Variants in RFPL1 observed in about 807,000 individuals in gnomAD.
RFPL1 encodes the protein ret finger protein like 1, also known as ret finger protein-like 1.
In RFPL1, 6 loss-of-function variants were observed where a neutral mutation model predicts 9.6. The ratio of observed to expected loss-of-function variants is 0.62; its 90% CI spans 0.34 to 1.23. RFPL1 has a LOEUF of 1.23. Ranked by LOEUF, RFPL1 falls within the 50% of genes most tolerant of loss-of-function variation. The probability of loss-of-function intolerance (pLI) is 0.03; values close to 1 mark genes in which losing one functional copy is unlikely to be tolerated. For missense variants in RFPL1, 352 were observed against 398.4 expected (o/e 0.88, Z 0.99); for synonymous variants, 145 against 149.4 (o/e 0.97, Z 0.22).
chr22:29,437,749 G>T, upstream of RFPL1: 5 of 1,575,454 alleles, frequency 3.2e-6, no homozygotes, highest in Non-Finnish European at 4.3e-6. Flanking sequence ...ATGCCTGTGT[G>T]TGTGTTTTTC....
the RFPL1 span, among the ~76,000 whole-genome samples, chr22:29,420,921 G>A: frequency 5.3e-5 from 8 of 151,990 alleles, no homozygotes; most frequent in African/African-American, 9.7e-5. Context: ...GATTACAGGC[G>A]TGATCCACCG....
upstream of RFPL1, chr22:29,437,953 A>ATTT (rs3044138): frequency 0.014 from 3,690 of 262,668 alleles, 6 homozygotes; most frequent in South Asian, 0.033. Context: ...GAAGGATGTG[A>ATTT]TTTTTTTTTT....
the RFPL1 span, among the ~76,000 whole-genome samples, chr22:29,415,094 G>A: frequency 2.0e-5 from 3 of 152,122 alleles, no homozygotes; most frequent in East Asian, 3.9e-4. Flanking sequence ...TGCTGATAAA[G>A]GCACGCTGTG....
chr22:29,398,027 C>T, the RFPL1 span, among the ~76,000 whole-genome samples: 7 of 152,176 alleles, frequency 4.6e-5, no homozygotes, highest in Admixed American at 2.6e-4. Flanking sequence ...AAATTCCCCA[C>T]GCAAAGCAGC....
the RFPL1 span, among the ~76,000 whole-genome samples, chr22:29,406,250 G>C: frequency 7.8e-6 from 1 of 128,050 alleles, no homozygotes; most frequent in Non-Finnish European, 1.6e-5. Flanking sequence ...AGCCATACAC[G>C]CTCCCTCTCT....
the RFPL1 span, among the ~76,000 whole-genome samples, chr22:29,420,817 T>G: frequency 1.3e-5 from 2 of 151,678 alleles, no homozygotes; most frequent in Non-Finnish European, 2.9e-5. Context: ...ATTTTTGTAT[T>G]TTTAGTAGAG....
chr22:29,442,134 A>G, exon 2 of RFPL1: 2 of 1,506,456 alleles, frequency 1.3e-6, no homozygotes, highest in East Asian at 4.6e-5. Flanking sequence ...CCCCCACTGC[A>G]AAAAAACAAA....
the RFPL1 span, among the ~76,000 whole-genome samples, chr22:29,411,232 G>A: frequency 4.6e-5 from 7 of 152,158 alleles, no homozygotes; most frequent in Admixed American, 6.5e-5. Flanking sequence ...AATAGTAAGG[G>A]GGTTGGGAGT....
the RFPL1 span, among the ~76,000 whole-genome samples, chr22:29,395,005 GC>G: frequency 1.3e-5 from 2 of 152,136 alleles, no homozygotes; most frequent in African/African-American, 4.8e-5. Context: ...CCTGCCACTG[GC>G]ATTCTGTGAC....
chr22:29,427,383 T>C, the RFPL1 span, among the ~76,000 whole-genome samples: 6 of 152,166 alleles, frequency 3.9e-5, no homozygotes, highest in Admixed American at 2.0e-4. Flanking sequence ...CTGAGTCCTG[T>C]GAAAGCCTGT....
the RFPL1 span, among the ~76,000 whole-genome samples, chr22:29,421,514 A>G: frequency 2.0e-5 from 3 of 149,292 alleles, no homozygotes; most frequent in Non-Finnish European, 3.0e-5. Context: ...AAGCCCCACA[A>G]GACTGATCCC....
chr22:29,421,889 C>T, the RFPL1 span, among the ~76,000 whole-genome samples: 48 of 152,328 alleles, frequency 3.2e-4, no homozygotes, highest in African/African-American at 5.1e-4. Context: ...CTCTGTTTCT[C>T]TTCCACTGCA....
the RFPL1 span, among the ~76,000 whole-genome samples, chr22:29,395,985 A>C: frequency 6.6e-5 from 10 of 152,090 alleles, no homozygotes; most frequent in Non-Finnish European, 1.3e-4. Context: ...AGAGAAGAGA[A>C]GAGAAATAAG....
chr22:29,421,107 C>G, the RFPL1 span, among the ~76,000 whole-genome samples: 65 of 152,232 alleles, frequency 4.3e-4, 1 homozygote, highest in South Asian at 1.0e-2. Context: ...GACTGAAACT[C>G]AAAACCAGGT....
At chr22:29,432,629 A>G in the RFPL1 span, among the ~76,000 whole-genome samples, 2 of 152,150 alleles carry the variant, frequency 1.3e-5, no homozygotes, top group Admixed American at 1.3e-4. Flanking sequence ...GGCACATCCC[A>G]ATTCCAATAA....
At chr22:29,406,226 C>A in the RFPL1 span, among the ~76,000 whole-genome samples, 9 of 150,106 alleles carry the variant, frequency 6.0e-5, no homozygotes, top group African/African-American at 2.2e-4. Context: ...ACCTTCCACC[C>A]TCCCCTGCCC....
the RFPL1 span, among the ~76,000 whole-genome samples, chr22:29,415,043 T>G: frequency 1.3e-5 from 2 of 151,740 alleles, no homozygotes; most frequent in Admixed American, 6.6e-5. Flanking sequence ...CGTCAAGCAG[T>G]TTAAACCAAG....
At chr22:29,389,611 G>C in the RFPL1 span, among the ~76,000 whole-genome samples, 1 of 144,236 alleles carries the variant, frequency 6.9e-6, no homozygotes, top group Non-Finnish European at 1.5e-5. Flanking sequence ...GCGTGAACCC[G>C]GGAGGCAGAG....
the RFPL1 span, among the ~76,000 whole-genome samples, chr22:29,401,042 A>G: frequency 4.6e-5 from 7 of 152,144 alleles, no homozygotes; most frequent in Non-Finnish European, 8.8e-5. Context: ...TGCCACGTAC[A>G]TTTCCCTATT....
Sources: gnomAD v4.1 joint callset for allele counts (sites outside exome capture counted in the v4.1 genomes callset) on GRCh38, gnomAD v4.1.1 for gene constraint, MANE v1.5 for transcripts, NCBI Gene and HGNC (gene_info 2026-07-23, HGNC 2026-07-21) for gene names.